Variants in HM13 observed in about 807,000 individuals in gnomAD.
HM13 encodes histocompatibility minor 13.
A neutral mutation model predicts 50.0 loss-of-function variants in HM13; 18 were observed. The ratio of observed to expected loss-of-function variants is 0.36; its 90% CI spans 0.25 to 0.53. The LOEUF (loss-of-function observed/expected upper bound fraction) is 0.53. Ranked by LOEUF, HM13 falls within the 20% of genes least tolerant of loss-of-function variation. The pLI, the probability that HM13 is intolerant of heterozygous loss-of-function variation, is 0.90. For missense variants in HM13, 393 were observed against 552.4 expected, an observed-to-expected ratio of 0.71 and a Z score of 2.89; for synonymous variants, 197 against 232.6, an observed-to-expected ratio of 0.85 and a Z score of 1.39.
Position 31,554,824 on chromosome 20 carries a change from T to C in HM13, c.803T>C (p.Ile268Thr). Residue 268 changes from isoleucine (I) to threonine (T), a missense_variant, in exon 8 of 13, where the codon ATT becomes ACT. Physicochemically the swap from Ile to Thr is moderately conservative, Grantham distance 89. Coordinates refer to ENST00000398174, the MANE Select transcript of HM13 (RefSeq NM_178581.3). ...FAMLGLGDVV[I>T]PGIFIALLLR... The stretch of plus-strand genomic sequence containing the variant: ...ATGCTGGGACTTGGAGATGTCGTCA[T>C]TCCAGGTGAGCCTGCTGGTGTGGGG... 2 of 1,613,844 alleles carry C rather than the reference T, an allele frequency of 1.2e-6. No individual in the cohort carries two copies. The highest frequency in any genetic ancestry group is 1.7e-6 in the Non-Finnish European group (2 of 1,179,710).
chr20:31,546,974 C>G (rs1441836488), intron 4 of HM13, among the ~76,000 whole-genome samples: 1 of 152,138 alleles, frequency 6.6e-6, no homozygotes, highest in Non-Finnish European at 1.5e-5. Context: ...CCACAGTCTT[C>G]AAGGTCCCAG....
chr20:31,517,736 T>A (rs1232060214), intron 1 of HM13, among the ~76,000 whole-genome samples: 1 of 152,030 alleles, frequency 6.6e-6, no homozygotes, highest in Non-Finnish European at 1.5e-5. Flanking sequence ...TGACAAGATG[T>A]TCAGGAAGCC....
chr20:31,561,816 A>G (rs1984633830), intron 10 of HM13, 80 bp downstream of exon 10: 1 of 1,013,040 alleles, frequency 9.9e-7, no homozygotes, highest in East Asian at 2.4e-5. Flanking sequence ...TTGTAAATGC[A>G]AGCAGTCCAG....
rs190996795 is a variant in HM13, at chr20:31,514,952, A to G, written c.183+218A>G. On this transcript the variant is annotated intron_variant, in intron 1 of 12. Transcript: ENST00000398174. The surrounding 1 kb of genome is among the most constrained non-coding windows in gnomAD (Gnocchi z 4.3). Reference sequence around the variant, plus strand: ...CGACCAGGGTATGATACCTTCCCCAATAGGAACTTGCTTCTGCTCCCGACC... The same window carrying G: ...CGACCAGGGTATGATACCTTCCCCAGTAGGAACTTGCTTCTGCTCCCGACC... Among the ~76,000 whole-genome samples the G allele has an allele frequency of 5.3e-4, 81 of 152,046 alleles. No homozygotes were observed. The highest frequency in any genetic ancestry group is 3.5e-3 in the South Asian group (17 of 4,826).
rs145038898 is a variant in HM13 at position 31,569,450 on chromosome 20, C to G, written c.*231C>G. ...GCAAAAGAAACCCCCAGCTTCCCCC[C>G]TCCCCGGGAGCCAGGTGGGAAAAGT... On this transcript the variant is annotated 3_prime_UTR_variant, in exon 13 of 13. Transcript: ENST00000398174. The G allele has an allele frequency of 1.7e-5, 7 of 409,738 alleles. No individual in the cohort carries two copies. Among genetic ancestry groups the G allele is most frequent in the African/African-American group, 8.1e-5 (4 of 49,318 alleles). The allele number at this position is 409,738 out of a possible 1,614,324, so 25.4% of individuals were successfully genotyped here.
At chr20:31,558,083 A>G (rs1984413706) in intron 8 of HM13, among the ~76,000 whole-genome samples, 2 of 152,218 alleles carry the variant, frequency 1.3e-5, no homozygotes, top group African/African-American at 2.4e-5. Flanking sequence ...GGCGACACAC[A>G]GGGTGTGCGT....
intron 8 of HM13, among the ~76,000 whole-genome samples, chr20:31,558,019 C>T (rs994744723): frequency 6.6e-6 from 1 of 152,142 alleles, no homozygotes; most frequent in African/African-American, 2.4e-5. Flanking sequence ...GGCAGTGCTT[C>T]TCAGCGCCTT....
chr20:31,554,408 A>C (rs1984190642), intron 7 of HM13, among the ~76,000 whole-genome samples: 1 of 150,646 alleles, frequency 6.6e-6, no homozygotes, highest in East Asian at 1.9e-4. Context: ...GTAGGCCGGG[A>C]GCGGTGGCTC....
At chr20:31,531,900 A>G (rs150699853) in intron 2 of HM13, among the ~76,000 whole-genome samples, 1 of 152,154 alleles carries the variant, frequency 6.6e-6, no homozygotes, top group African/African-American at 2.4e-5. Flanking sequence ...GTTCAAGGCT[A>G]TGGTGAGCTA....
intron 2 of HM13, 139 bp from the exon 3 acceptor site, chr20:31,538,040 G>A: frequency 3.4e-6 from 3 of 891,878 alleles, no homozygotes; most frequent in Non-Finnish European, 5.0e-6. Flanking sequence ...AATGCCACTA[G>A]TATTGTCTGA....
At chr20:31,527,183 C>CA (rs1410149789) in intron 1 of HM13, among the ~76,000 whole-genome samples, 4 of 152,148 alleles carry the variant, frequency 2.6e-5, no homozygotes, top group Non-Finnish European at 5.9e-5. Context: ...GCTAAAAATA[C>CA]AAAAATTAGC....
chr20:31,568,872 A>G (rs2122680403), intron 12 of HM13, among the ~76,000 whole-genome samples: 1 of 152,296 alleles, frequency 6.6e-6, no homozygotes, highest in East Asian at 1.9e-4. Flanking sequence ...CCTCTCTTCC[A>G]TTGGCTGCTG....
In HM13 at chr20:31,514,820, C is replaced by CCTT. The variant is rs887143202; in HGVS notation, c.183+86_183+87insCTT. 3 of 1,241,158 alleles carry CCTT rather than the reference C, an allele frequency of 2.4e-6. No homozygotes were observed. In the African/African-American group the frequency reaches 4.6e-5, roughly 19 times the overall value. The allele number at this position is 1,241,158 out of a possible 1,614,324, so 76.9% of individuals were successfully genotyped here. ...CCCTTCCTAGGCGGGACAGACACCT[C>CCTT]TCCCCGGACACTGACTCTTCCCAGC... On this transcript the variant is annotated intron_variant, in intron 1 of 12. Transcript: ENST00000398174. This position sits in a 1 kb window ranked among gnomAD's most constrained non-coding sequence, Gnocchi z 4.3.
At chr20:31,553,418 C>CT (rs1345798578) in intron 7 of HM13, among the ~76,000 whole-genome samples, 3 of 152,126 alleles carry the variant, frequency 2.0e-5, no homozygotes, top group Admixed American at 6.5e-5. Context: ...GGAAGGCTGC[C>CT]TAACACAAAA....
intron 10 of HM13, 72 bp from the exon 11 acceptor site, chr20:31,566,138 T>C (rs1301995250): frequency 1.8e-6 from 2 of 1,110,574 alleles, no homozygotes; most frequent in Non-Finnish European, 2.7e-6. Context: ...CAGAAGGGGT[T>C]TGGGGTGCTG....
intron 4 of HM13, 166 bp from the exon 5 acceptor site, chr20:31,548,863 T>G: frequency 1.5e-6 from 1 of 684,126 alleles, no homozygotes; most frequent in East Asian, 2.5e-5. Flanking sequence ...TCCAGTGAGC[T>G]CTCCCCTTCT....
intron 8 of HM13, among the ~76,000 whole-genome samples, chr20:31,556,944 G>T (rs748451837): frequency 2.6e-5 from 4 of 151,276 alleles, no homozygotes; most frequent in Admixed American, 6.6e-5. Flanking sequence ...GCATGAACCC[G>T]GGAGGTGGAG....
chr20:31,523,796 A>T (rs966074075), intron 1 of HM13, among the ~76,000 whole-genome samples: 6 of 152,136 alleles, frequency 3.9e-5, no homozygotes, highest in African/African-American at 1.4e-4. Context: ...GTTGGGAGAG[A>T]ATAGGGAAGG....
At chr20:31,547,448 C>T (rs574149647) in intron 4 of HM13, 1 of 565,828 alleles carries the variant, frequency 1.8e-6, no homozygotes, top group East Asian at 3.3e-5. Flanking sequence ...GGGGACTCCA[C>T]CGGAGCCTTG....
Sources: allele counts gnomAD v4.1 joint callset (sites outside exome capture counted in the v4.1 genomes callset), GRCh38; gene constraint gnomAD v4.1.1; non-coding constraint Gnocchi (gnomAD v3.1); transcripts MANE v1.5; gene names NCBI Gene and HGNC (gene_info 2026-07-23, HGNC 2026-07-21).